POT1: variants seen among roughly 807,000 people sequenced by gnomAD.
The protein encoded by POT1 is protection of telomeres 1.
A neutral mutation model predicts 78.5 loss-of-function variants in POT1; 47 were observed. That is an observed-to-expected ratio of 0.60 (90% confidence interval 0.47 to 0.76). POT1 has a LOEUF of 0.76. POT1 is among the 30% of genes least tolerant of loss of function. POT1 has a pLI of 0.00. For synonymous variants in POT1, 259 were observed against 260.7 expected (o/e 0.99, Z 0.06); for missense variants, 646 against 749.9 (o/e 0.86, Z 1.62).
At chr7:124,871,474 A>T (rs1795866375) in intron 6 of POT1, among the ~76,000 whole-genome samples, 1 of 152,104 alleles carries the variant, frequency 6.6e-6, no homozygotes, top group South Asian at 2.1e-4. Context: ...ATTTATGAAA[A>T]CTGTCATAAA....
At position 124,825,504 on chromosome 7, in the gene POT1, T is replaced by C. The variant is rs998576015; in HGVS notation, c.1687-147A>G. 1.4e-5 allele frequency: 7 copies of C among 508,752 alleles called. No homozygotes were observed. The East Asian group carries it at 1.9e-4, about 14-fold the overall frequency. The allele number at this position is 508,752 out of a possible 1,614,324, so 31.5% of individuals were successfully genotyped here. A position where few individuals can be genotyped will look rare whatever the true frequency, so the allele number is the denominator to read the frequency against. On this transcript the variant is annotated intron_variant, in intron 17 of 18. Coordinates refer to ENST00000357628, the MANE Select transcript of POT1 (RefSeq NM_015450.3). ...AGATTGTAGAATTCATAAACTAGAA[T>C]GCTGGTCTCAACTCCAAAATCTTAT... is the stretch of plus-strand genomic sequence containing the variant.
chr7:124,891,138 T>A (rs1378888037), intron 6 of POT1, among the ~76,000 whole-genome samples: 3 of 151,812 alleles, frequency 2.0e-5, no homozygotes, highest in Non-Finnish European at 4.4e-5. Flanking sequence ...ACTATAATTG[T>A]GTTGCTGTCT....
In POT1 at chr7:124,823,910, A is replaced by C; in HGVS notation, c.*52T>G. 1.7e-6 allele frequency: 2 copies of C among 1,192,310 alleles called. No individual in the cohort carries two copies. Among genetic ancestry groups the C allele is most frequent in the South Asian group, 2.5e-5 (2 of 78,540 alleles). 73.9% of individuals were successfully genotyped at this position (1,192,310 alleles called of 1,614,324 possible). A position where few individuals can be genotyped will look rare whatever the true frequency, so the allele number is the denominator to read the frequency against. ...AACTCAGGTCAGGAAAAGAAGCTCAAACAGGGAAGGTGAGTGGCAACATTT... is the reference window on the plus strand; with the variant it reads ...AACTCAGGTCAGGAAAAGAAGCTCACACAGGGAAGGTGAGTGGCAACATTT... On this transcript the variant is annotated 3_prime_UTR_variant, in exon 19 of 19. Transcript: ENST00000357628.
In POT1 at chr7:124,897,204, G is replaced by T; in HGVS notation, c.-31C>A. The T allele has an allele frequency of 7.1e-7, 1 of 1,413,604 alleles. No homozygotes were observed. Among genetic ancestry groups the T allele is most frequent in the South Asian group, 1.3e-5 (1 of 79,618 alleles). The allele number at this position is 1,413,604 out of a possible 1,614,324, so 87.6% of individuals were successfully genotyped here. On this transcript the variant is annotated 5_prime_UTR_variant, in exon 5 of 19. An upstream open reading frame in the 5' UTR gains an earlier in-frame stop. Transcript: ENST00000357628. ...CTGTAGAAAAATCTCTTAAAGATTTGACATAAACCTGAAGGAAAAAAAGAA... is the reference window on the plus strand; with the variant it reads ...CTGTAGAAAAATCTCTTAAAGATTTTACATAAACCTGAAGGAAAAAAAGAA...
intron 6 of POT1, among the ~76,000 whole-genome samples, chr7:124,890,289 TA>T (rs1162472053): frequency 2.0e-5 from 3 of 151,928 alleles, no homozygotes; most frequent in African/African-American, 7.2e-5. Flanking sequence ...AATCTCATAA[TA>T]AAACTTCAAC....
chr7:124,888,406 C>T (rs1408030832), intron 6 of POT1, among the ~76,000 whole-genome samples: 3 of 152,024 alleles, frequency 2.0e-5, no homozygotes, highest in Admixed American at 1.3e-4. Context: ...AGAGAAGCCT[C>T]CAGGTTTGAT....
chr7:124,851,862 T>C lies in POT1; in HGVS notation c.949+10A>G, dbSNP rs1477548403. The C allele has an allele frequency of 3.8e-6, 6 of 1,571,232 alleles. No individual in the cohort carries two copies. The highest frequency in any genetic ancestry group is 4.4e-6 in the Non-Finnish European group (5 of 1,141,622). ...AGAACTAAACTGTCAATGTTAAAGATTATCCTTACTTGGAAAGCTGTCGTC... is the reference window on the plus strand; with the variant it reads ...AGAACTAAACTGTCAATGTTAAAGACTATCCTTACTTGGAAAGCTGTCGTC... On this transcript the variant is annotated intron_variant, in intron 11 of 18. Coordinates refer to ENST00000357628, the MANE Select transcript of POT1 (RefSeq NM_015450.3).
At chr7:124,902,548 T>C (rs1037518654) in intron 3 of POT1, among the ~76,000 whole-genome samples, 15 of 152,128 alleles carry the variant, frequency 9.9e-5, no homozygotes, top group African/African-American at 1.9e-4. Flanking sequence ...AAAGGAACAA[T>C]TGGTACCAGC....
rs770376260 is a variant in POT1, at chr7:124,859,117, C to T, written c.547-5G>A. ...TGTCCTGGTGCCATCCCATACCTGCCATAAGAGAGTAGAGTAGTTTTATGA... is the reference window on the plus strand; with the variant it reads ...TGTCCTGGTGCCATCCCATACCTGCTATAAGAGAGTAGAGTAGTTTTATGA... On this transcript the variant is annotated splice_region_variant and splice_polypyrimidine_tract_variant and intron_variant, in intron 8 of 18. Transcript: ENST00000357628. The T allele has an allele frequency of 1.3e-6, 2 of 1,563,242 alleles. No homozygotes were observed. Among genetic ancestry groups the T allele is most frequent in the Non-Finnish European group, 1.7e-6 (2 of 1,153,108 alleles).
At chr7:124,833,224 C>T (rs1380977182) in intron 15 of POT1, among the ~76,000 whole-genome samples, 2 of 152,124 alleles carry the variant, frequency 1.3e-5, no homozygotes, top group African/African-American at 4.8e-5. Flanking sequence ...GTGGCATACA[C>T]TTTCGCTTTA....
At position 124,835,382 on chromosome 7, in the gene POT1, T is replaced by C. The variant is rs1794874700; in HGVS notation, c.1402A>G (p.Asn468Asp). Residue 468 changes from asparagine to aspartate, a missense_variant, in exon 15 of 19, where the codon AAC (asparagine) becomes GAC (aspartate). Asn to Asp is a conservative substitution (Grantham distance 23, BLOSUM62 1). Transcript: ENST00000357628. ...GTLSEICKLS[N>D]KFNSVIPVRS... ...ACAGGAATTACACTATTAAACTTGT[T>C]CGAGAGTTTGCAAATTTCACTGAGT... is the stretch of plus-strand genomic sequence containing the variant. 6.2e-7 allele frequency: 1 copy of C among 1,613,784 alleles called. No individual in the cohort carries two copies. Among genetic ancestry groups the C allele is most frequent in the Non-Finnish European group, 8.5e-7 (1 of 1,179,668 alleles).
chr7:124,838,298 A>G (rs374642459), intron 14 of POT1, among the ~76,000 whole-genome samples: 1 of 152,192 alleles, frequency 6.6e-6, no homozygotes, highest in East Asian at 1.9e-4. Flanking sequence ...ATAACAAGCA[A>G]TTATAGCAAC....
chr7:124,870,568 GCT>G (rs57547090), intron 7 of POT1, among the ~76,000 whole-genome samples: 165 of 152,006 alleles, frequency 1.1e-3, no homozygotes, highest in African/African-American at 3.8e-3. Flanking sequence ...TTGACCTAAA[GCT>G]CTTTTTTAAA....
chr7:124,921,092 T>C (rs944137221), intron 2 of POT1, among the ~76,000 whole-genome samples: 4 of 152,040 alleles, frequency 2.6e-5, no homozygotes, highest in African/African-American at 9.7e-5. Context: ...GCAAGATCCA[T>C]CTCTTAAGCA....
chr7:124,823,018 A>G lies in POT1; in HGVS notation c.*944T>C, dbSNP rs1175400871. The G allele has an allele frequency of 6.4e-6, 1 of 155,390 alleles. No individual in the cohort carries two copies. Among genetic ancestry groups the G allele is most frequent in the East Asian group, 1.8e-4 (1 of 5,422 alleles). The allele number at this position is 155,390 out of a possible 1,614,324, so 9.6% of individuals were successfully genotyped here. A position where few individuals can be genotyped will look rare whatever the true frequency, so the allele number is the denominator to read the frequency against. On this transcript the variant is annotated 3_prime_UTR_variant, in exon 19 of 19. Coordinates refer to ENST00000357628, the MANE Select transcript of POT1 (RefSeq NM_015450.3). Reference sequence around the variant, plus strand: ...GCTCTGAATAGAGATTATGTGAATTAAGGCACAGACTCTAGCTTTTACAAA... The same window carrying G: ...GCTCTGAATAGAGATTATGTGAATTGAGGCACAGACTCTAGCTTTTACAAA...
intron 3 of POT1, among the ~76,000 whole-genome samples, chr7:124,899,577 C>T (rs1786636204): frequency 6.6e-6 from 1 of 152,076 alleles, no homozygotes. Context: ...GTTTTACAAA[C>T]TGAAGTATAC....
At chr7:124,884,909 C>T (rs1236236069) in intron 6 of POT1, among the ~76,000 whole-genome samples, 1 of 152,058 alleles carries the variant, frequency 6.6e-6, no homozygotes, top group African/African-American at 2.4e-5. Flanking sequence ...TAAAAAATAG[C>T]TATTTCTAAA....
intron 2 of POT1, among the ~76,000 whole-genome samples, chr7:124,917,870 GC>G (rs1797056400): frequency 6.6e-6 from 1 of 152,176 alleles, no homozygotes; most frequent in Admixed American, 6.5e-5. Context: ...AAGGGCCCTA[GC>G]ACCTGGAGAA....
In POT1 at chr7:124,834,960, G is replaced by A. The variant is rs541094824; in HGVS notation, c.1505+319C>T. Among the ~76,000 whole-genome samples the A allele has an allele frequency of 1.1e-4, 16 of 152,194 alleles. No homozygotes were observed. The East Asian group carries it at 1.2e-3, about 11-fold the overall frequency. ...CCTTGCCAGGCATATGGATAAAGCC[G>A]GAAACCATCATTCTCAGCAAACTAA... On this transcript the variant is annotated intron_variant, in intron 15 of 18. Transcript: ENST00000357628.
Sources: allele counts gnomAD v4.1 joint callset (sites outside exome capture counted in the v4.1 genomes callset), GRCh38; gene constraint gnomAD v4.1.1; transcripts MANE v1.5; gene names NCBI Gene and HGNC (gene_info 2026-07-23, HGNC 2026-07-21).